Variants in SAMMSON observed in about 807,000 individuals in gnomAD.
SAMMSON encodes the protein long intergenic non-protein coding RNA 1212.
chr3:70,080,935 G>T (rs2067265707), intron 4 of SAMMSON, among the ~76,000 whole-genome samples: 1 of 152,138 alleles, frequency 6.6e-6, no homozygotes, highest in South Asian at 2.1e-4. Flanking sequence ...TTCACTCCAT[G>T]TGCAGCCCAG....
At chr3:70,119,097 G>A (rs978022757) in intron 4 of SAMMSON, among the ~76,000 whole-genome samples, 2 of 151,818 alleles carry the variant, frequency 1.3e-5, no homozygotes, top group Non-Finnish European at 2.9e-5. Flanking sequence ...ACGGAGTTTC[G>A]CTCTTGTTAC....
At chr3:70,294,072 A>T (rs990027240) in intron 7 of SAMMSON, among the ~76,000 whole-genome samples, 5 of 152,116 alleles carry the variant, frequency 3.3e-5, no homozygotes, top group Non-Finnish European at 7.4e-5. Flanking sequence ...CTTTATAAAG[A>T]CATGGCCATG....
intron 9 of SAMMSON, among the ~76,000 whole-genome samples, chr3:70,384,576 T>C (rs1437847778): frequency 6.6e-6 from 1 of 152,028 alleles, no homozygotes; most frequent in East Asian, 1.9e-4. Context: ...AGGCAAATTA[T>C]TGTAAATCCA....
chr3:70,288,433 A>T (rs908620849), intron 6 of SAMMSON, among the ~76,000 whole-genome samples: 1 of 150,480 alleles, frequency 6.6e-6, no homozygotes, highest in Non-Finnish European at 1.5e-5. Flanking sequence ...ATAGTTTGTT[A>T]TAATTTCTGT....
chr3:70,119,013 T>C (rs1005188681), intron 4 of SAMMSON, among the ~76,000 whole-genome samples: 1 of 152,212 alleles, frequency 6.6e-6, no homozygotes, highest in African/African-American at 2.4e-5. Flanking sequence ...CTAGATTTCT[T>C]TTCTCCTCGT....
intron 4 of SAMMSON, among the ~76,000 whole-genome samples, chr3:70,220,429 C>A (rs1402862144): frequency 6.6e-6 from 1 of 151,722 alleles, no homozygotes; most frequent in Non-Finnish European, 1.5e-5. Flanking sequence ...CAGAGCAAGA[C>A]CTTACCTCTT....
chr3:70,100,923 A>G (rs2067343015), intron 4 of SAMMSON, among the ~76,000 whole-genome samples: 1 of 152,216 alleles, frequency 6.6e-6, no homozygotes, highest in African/African-American at 2.4e-5. Flanking sequence ...TATTGTTCAT[A>G]TTTAGAAATT....
intron 7 of SAMMSON, among the ~76,000 whole-genome samples, chr3:70,293,149 T>C (rs1360535117): frequency 6.6e-6 from 1 of 151,858 alleles, no homozygotes; most frequent in East Asian, 1.9e-4. Context: ...TTTACATTTC[T>C]GGAAGTATTC....
chr3:70,074,742 C>T (rs2067242271), intron 4 of SAMMSON, among the ~76,000 whole-genome samples: 2 of 151,974 alleles, frequency 1.3e-5, no homozygotes, highest in South Asian at 4.1e-4. Context: ...TGTGCATGTC[C>T]CCCACCTCCA....
chr3:70,211,245 C>A (rs1391249355), intron 4 of SAMMSON, among the ~76,000 whole-genome samples: 1 of 147,204 alleles, frequency 6.8e-6, no homozygotes, highest in African/African-American at 2.5e-5. Flanking sequence ...TTTCCTTTTC[C>A]TTCCTTTCTG....
At chr3:70,251,373 A>G in intron 6 of SAMMSON, among the ~76,000 whole-genome samples, 1 of 152,152 alleles carries the variant, frequency 6.6e-6, no homozygotes, top group East Asian at 1.9e-4. Context: ...TAGGGGGACT[A>G]TCTGATTTTT....
intron 2 of SAMMSON, among the ~76,000 whole-genome samples, chr3:70,418,940 C>A (rs1418195307): frequency 1.1e-5 from 1 of 91,474 alleles, no homozygotes; most frequent in African/African-American, 3.9e-5. Context: ...CTTTCCTTTC[C>A]TTTCCTTTCC....
intron 4 of SAMMSON, among the ~76,000 whole-genome samples, chr3:70,248,324 T>C (rs1286220492): frequency 6.6e-6 from 1 of 152,112 alleles, no homozygotes; most frequent in African/African-American, 2.4e-5. Context: ...ATGTTCCACC[T>C]CTGAAGGAGT....
intron 7 of SAMMSON, among the ~76,000 whole-genome samples, chr3:70,338,887 A>G (rs1256197846): frequency 6.6e-6 from 1 of 152,194 alleles, no homozygotes; most frequent in Non-Finnish European, 1.5e-5. Context: ...TCTTTGCAGA[A>G]TTGGAAAAAA....
chr3:70,182,511 G>A (rs984180368), intron 4 of SAMMSON, among the ~76,000 whole-genome samples: 2 of 152,186 alleles, frequency 1.3e-5, no homozygotes, highest in African/African-American at 4.8e-5. Flanking sequence ...GGACGTAAAA[G>A]TAACAGATTG....
chr3:70,027,355 T>G (rs2067045102), intron 3 of SAMMSON, among the ~76,000 whole-genome samples: 1 of 152,204 alleles, frequency 6.6e-6, no homozygotes, highest in Non-Finnish European at 1.5e-5. Context: ...ACATCAGATG[T>G]TAATCTCCTT....
intron 3 of SAMMSON, among the ~76,000 whole-genome samples, chr3:70,046,340 G>T (rs2067127136): frequency 6.6e-6 from 1 of 152,090 alleles, no homozygotes; most frequent in African/African-American, 2.4e-5. Context: ...GAGTCCTGCT[G>T]ATTGGCTATA....
At chr3:70,209,843 T>C (rs959997720) in intron 4 of SAMMSON, among the ~76,000 whole-genome samples, 1 of 152,102 alleles carries the variant, frequency 6.6e-6, no homozygotes, top group African/African-American at 2.4e-5. Flanking sequence ...CGCCTTTCCC[T>C]TAGCAGTCTT....
chr3:70,165,634 T>C (rs1384933357), intron 4 of SAMMSON, among the ~76,000 whole-genome samples: 1 of 151,956 alleles, frequency 6.6e-6, no homozygotes, highest in East Asian at 1.9e-4. Context: ...TAGAGGAAGT[T>C]GTTGTCCAGA....
Sources: allele counts gnomAD v4.1 joint callset (sites outside exome capture counted in the v4.1 genomes callset), GRCh38; gene constraint gnomAD v4.1.1; transcripts MANE v1.5; gene names NCBI Gene and HGNC (gene_info 2026-07-23, HGNC 2026-07-21).